GRM7: variants seen among roughly 807,000 people sequenced by gnomAD.
GRM7 encodes glutamate metabotropic receptor 7.
Under a neutral mutation model 84.5 loss-of-function variants are expected in GRM7, and 35 were observed. That is an observed-to-expected ratio of 0.41 (90% CI 0.32 to 0.55). The LOEUF is 0.55. Among genes scored for constraint, GRM7 ranks in the 20% least tolerant of loss-of-function variants. GRM7 has a pLI of 0.19. For synonymous variants in GRM7, 487 were observed against 455.1 expected (o/e 1.07, Z -0.89); for missense variants, 1,003 against 1,194.6 (o/e 0.84, Z 2.36).
At chr3:7,045,833 A>G (rs931527110) in intron 1 of GRM7, among the ~76,000 whole-genome samples, 25 of 152,136 alleles carry the variant, frequency 1.6e-4, no homozygotes, top group African/African-American at 7.2e-5. Context: ...TAATGCTGCA[A>G]TGCATACAGA....
chr3:7,566,086 T>G (rs567902715), intron 7 of GRM7, among the ~76,000 whole-genome samples: 1 of 149,120 alleles, frequency 6.7e-6, no homozygotes, highest in Non-Finnish European at 1.5e-5. Context: ...TCTGTTTTCT[T>G]TGGCTCTGAA....
Position 6,861,491 on chromosome 3 carries a change from C to A in GRM7, c.103C>A (p.Gln35Lys). The A allele has an allele frequency of 6.3e-7, 1 of 1,580,032 alleles. No individual in the cohort carries two copies. The highest frequency in any genetic ancestry group is 8.6e-7 in the Non-Finnish European group (1 of 1,166,360). The change falls in exon 1 of 10, where the codon CAG becomes AAG. Residue 35 changes from glutamine to lysine, a missense_variant. Gln to Lys is a moderately conservative substitution (Grantham distance 53, BLOSUM62 1). This residue lies in a region of GRM7 where 93 missense variants were observed against 68.6 expected (regional missense o/e 1.36). Transcript: ENST00000357716. The surrounding 1 kb of genome is among the most constrained non-coding windows in gnomAD (Gnocchi z 6.4). ...CGCGCTGGCGGCGGCGGCGCGCGGCCAGGAGATGTACGCCCCGCACTCAAT... is the reference window on the plus strand; with the variant it reads ...CGCGCTGGCGGCGGCGGCGCGCGGCAAGGAGATGTACGCCCCGCACTCAAT... Reference protein sequence around the residue: ...LCALAAAARGQEMYAPHSIRI... With the variant: ...LCALAAAARGKEMYAPHSIRI...
At chr3:6,932,213 G>T (rs1263661168) in intron 1 of GRM7, among the ~76,000 whole-genome samples, 1 of 152,158 alleles carries the variant, frequency 6.6e-6, no homozygotes, top group Non-Finnish European at 1.5e-5. Context: ...CATCCTAAAT[G>T]CATTTTAAAA....
At chr3:7,430,289 T>C (rs75220111) in intron 5 of GRM7, among the ~76,000 whole-genome samples, 1 of 152,158 alleles carries the variant, frequency 6.6e-6, no homozygotes, top group Non-Finnish European at 1.5e-5. Context: ...CAGTGGAAAA[T>C]TGAGGTCACC....
At chr3:7,601,233 T>G (rs908857652) in intron 8 of GRM7, among the ~76,000 whole-genome samples, 1 of 152,156 alleles carries the variant, frequency 6.6e-6, no homozygotes, top group African/African-American at 2.4e-5. Context: ...GTCATTCACC[T>G]TCTGACTTCT....
chr3:6,890,122 T>G (rs866100912), intron 1 of GRM7, among the ~76,000 whole-genome samples: 50 of 152,176 alleles, frequency 3.3e-4, no homozygotes, highest in Middle Eastern at 6.3e-3. Flanking sequence ...TTCTTCTCTC[T>G]TTTTTCTTTA....
At chr3:7,134,936 G>A (rs116446300) in intron 1 of GRM7, among the ~76,000 whole-genome samples, 160 of 152,134 alleles carry the variant, frequency 1.1e-3, no homozygotes, top group African/African-American at 3.7e-3. Context: ...TATAACTTGC[G>A]ATCCACACAC....
At chr3:7,476,738 G>C (rs1444849453) in intron 7 of GRM7, among the ~76,000 whole-genome samples, 1 of 152,060 alleles carries the variant, frequency 6.6e-6, no homozygotes, top group African/African-American at 2.4e-5. Flanking sequence ...CCCAGCTCCT[G>C]CTTCTCCTCA....
At chr3:7,054,644 GA>G (rs1697147745) in intron 1 of GRM7, among the ~76,000 whole-genome samples, 1 of 151,734 alleles carries the variant, frequency 6.6e-6, no homozygotes, top group South Asian at 2.1e-4. Flanking sequence ...AATCATAATG[GA>G]ATATTAAATT....
At chr3:7,539,505 G>A (rs546292215) in intron 7 of GRM7, among the ~76,000 whole-genome samples, 5 of 151,738 alleles carry the variant, frequency 3.3e-5, no homozygotes, top group South Asian at 2.1e-4. Context: ...GTGAAACCCC[G>A]TCTCTACTAA....
At chr3:7,108,551 G>C (rs1692733946) in intron 1 of GRM7, among the ~76,000 whole-genome samples, 1 of 145,390 alleles carries the variant, frequency 6.9e-6, no homozygotes, top group Non-Finnish European at 1.5e-5. Context: ...GTTTTCTGCT[G>C]CTCTGTCATC....
chr3:7,024,565 T>A (rs1185097329), intron 1 of GRM7, among the ~76,000 whole-genome samples: 1 of 152,126 alleles, frequency 6.6e-6, no homozygotes, highest in Non-Finnish European at 1.5e-5. Context: ...GGCAGGTGCA[T>A]GAGGAGAGCC....
intron 1 of GRM7, among the ~76,000 whole-genome samples, chr3:7,125,138 C>A (rs1185335380): frequency 6.6e-6 from 1 of 152,054 alleles, no homozygotes; most frequent in East Asian, 1.9e-4. Context: ...TGGGGTTTCG[C>A]CTTGTTGGCC....
At chr3:6,999,563 A>G (rs954622642) in intron 1 of GRM7, among the ~76,000 whole-genome samples, 1 of 152,178 alleles carries the variant, frequency 6.6e-6, no homozygotes, top group Non-Finnish European at 1.5e-5. Context: ...TCATGGTGCT[A>G]TAAGGACACA....
chr3:7,373,354 G>T (rs540212155), intron 4 of GRM7, among the ~76,000 whole-genome samples: 122 of 152,126 alleles, frequency 8.0e-4, no homozygotes, highest in African/African-American at 2.9e-3. Context: ...TTTAATCTTG[G>T]CTAATTTTAT....
intron 1 of GRM7, among the ~76,000 whole-genome samples, chr3:7,033,939 GTA>G (rs1266449440): frequency 6.6e-6 from 1 of 152,130 alleles, no homozygotes; most frequent in African/African-American, 2.4e-5. Flanking sequence ...TAGGTTACAG[GTA>G]CAATAGAACA....
intron 1 of GRM7, among the ~76,000 whole-genome samples, chr3:7,141,345 C>A (rs1014443512): frequency 6.6e-6 from 1 of 151,628 alleles, no homozygotes; most frequent in African/African-American, 2.4e-5. Flanking sequence ...ATACATAATG[C>A]AATGAAAATA....
intron 5 of GRM7, among the ~76,000 whole-genome samples, chr3:7,417,465 G>T (rs1419620035): frequency 6.6e-6 from 1 of 152,042 alleles, no homozygotes; most frequent in East Asian, 1.9e-4. Context: ...ATCTTTACAT[G>T]TAAGTATACT....
chr3:7,245,227 A>G (rs1200777999), intron 2 of GRM7, among the ~76,000 whole-genome samples: 1 of 152,070 alleles, frequency 6.6e-6, no homozygotes, highest in Non-Finnish European at 1.5e-5. Flanking sequence ...GATAAAAGGG[A>G]CAGAAAATAT....
Sources: gnomAD v4.1 joint callset for allele counts (sites outside exome capture counted in the v4.1 genomes callset) on GRCh38, gnomAD v4.1.1 for gene constraint, gnomAD v4.1.1 regional missense constraint, Gnocchi (gnomAD v3.1) non-coding constraint, MANE v1.5 for transcripts, NCBI Gene and HGNC (gene_info 2026-07-23, HGNC 2026-07-21) for gene names.